The following TRHDE variants were observed in gnomAD, a reference collection of about 807,000 sequenced individuals.
TRHDE encodes the protein thyrotropin-releasing hormone-degrading ectoenzyme.
A neutral mutation model predicts 125.7 loss-of-function variants in TRHDE; 72 were observed. The observed-to-expected ratio is 0.57, with a 90% CI of 0.47 to 0.70. The LOEUF is 0.70. TRHDE is among the 30% of genes least tolerant of loss of function. The pLI is 0.00. For synonymous variants in TRHDE, 509 were observed against 509.1 expected, an observed-to-expected ratio of 1.00 and a Z score of 0.00; for missense variants, 1,110 against 1,327.1, an observed-to-expected ratio of 0.84 and a Z score of 2.54.
chr12:72,273,619 G>A lies in TRHDE; in HGVS notation c.914+62G>A. 1 of 1,475,322 alleles carries A rather than the reference G, an allele frequency of 6.8e-7. No individual in the cohort carries two copies. 91.4% of individuals were successfully genotyped at this position (1,475,322 alleles called of 1,614,324 possible). ...CGGCGCGCGGCTCGAACCTCTGGGC[G>A]GCCTGCGACCCCGGGGACCCAGCTG... On this transcript the variant is annotated intron_variant, in intron 1 of 18. Coordinates refer to ENST00000261180, the MANE Select transcript of TRHDE (RefSeq NM_013381.3). This position sits in a 1 kb window ranked among gnomAD's most constrained non-coding sequence, Gnocchi z 5.3.
intron 2 of TRHDE, among the ~76,000 whole-genome samples, chr12:72,316,052 G>C (rs1182148177): frequency 6.6e-6 from 1 of 152,096 alleles, no homozygotes; most frequent in East Asian, 1.9e-4. Flanking sequence ...AGGATGTTCT[G>C]CCAGCCGCCA....
rs1045440465 is a variant in TRHDE, at chr12:72,204,838, G to T, written n.279+99086G>T. On this transcript the variant is annotated intron_variant and non_coding_transcript_variant, in intron 2 of 4. Transcript: ENST00000548156. ...GTATTTTCAGTGTTTATGTTTATTGGGTTGAGTTGCTTTGTCCTATGTCAG... is the reference window on the plus strand; with the variant it reads ...GTATTTTCAGTGTTTATGTTTATTGTGTTGAGTTGCTTTGTCCTATGTCAG... Among the ~76,000 whole-genome samples, 5 of 152,088 alleles carry T rather than the reference G, an allele frequency of 3.3e-5. No homozygotes were observed. In the Middle Eastern group the frequency reaches 0.014, roughly 417 times the overall value.
intron 3 of TRHDE, among the ~76,000 whole-genome samples, chr12:72,449,859 A>G (rs540857778): frequency 9.9e-5 from 15 of 152,070 alleles, no homozygotes; most frequent in Non-Finnish European, 1.6e-4. Context: ...ATATAAAAAT[A>G]TTACCTCCTT....
rs138893422 is a variant in TRHDE at position 72,101,843 on chromosome 12, C to T, written n.175-3805C>T. Among the ~76,000 whole-genome samples, 16 of 152,252 alleles carry T rather than the reference C, an allele frequency of 1.1e-4. No homozygotes were observed. The East Asian group carries it at 2.5e-3, about 24-fold the overall frequency. On this transcript the variant is annotated intron_variant and non_coding_transcript_variant, in intron 1 of 4. Transcript: ENST00000548156. The stretch of plus-strand genomic sequence containing the variant: ...AAAACATGAATTTGAAATGGTACAG[C>T]GTGGGTACCCTGGAAAATAGTAAAT...
intron 2 of TRHDE, among the ~76,000 whole-genome samples, chr12:72,315,266 G>T (rs1455926927): frequency 6.6e-6 from 1 of 152,166 alleles, no homozygotes; most frequent in Non-Finnish European, 1.5e-5. Context: ...GTGAGATTAG[G>T]AAGTATTTTA....
chr12:72,123,229 A>G (rs1324133170), intron 2 of TRHDE, among the ~76,000 whole-genome samples: 1 of 152,196 alleles, frequency 6.6e-6, no homozygotes. Context: ...TTCTTGCACC[A>G]GAAAGTAAAA....
At chr12:72,512,544 TC>T (rs901062630) in intron 6 of TRHDE, among the ~76,000 whole-genome samples, 1,903 of 138,782 alleles carry the variant, frequency 0.014, 25 homozygotes, top group African/African-American at 0.037. Context: ...TTATATATAT[TC>T]ATATATAATC....
intron 1 of TRHDE, among the ~76,000 whole-genome samples, chr12:72,277,987 ATATAT>A (rs1879552506): frequency 6.6e-6 from 1 of 152,142 alleles, no homozygotes; most frequent in African/African-American, 2.4e-5. Flanking sequence ...CAAGAATATA[ATATAT>A]TGTCATTAAT....
intron 5 of TRHDE, among the ~76,000 whole-genome samples, chr12:72,480,638 G>T (rs932668931): frequency 3.9e-5 from 6 of 152,074 alleles, no homozygotes; most frequent in Non-Finnish European, 8.8e-5. Context: ...TACAGCATTA[G>T]ATGCTTTCTA....
intron 2 of TRHDE, among the ~76,000 whole-genome samples, chr12:72,320,653 C>T (rs1194142268): frequency 6.6e-6 from 1 of 151,846 alleles, no homozygotes; most frequent in Non-Finnish European, 1.5e-5. Flanking sequence ...TAATTTCTAT[C>T]ACTGCAGAGT....
chr12:72,273,021 A>C lies in TRHDE; in HGVS notation c.378A>C (p.Ser126=), dbSNP rs1383805981. 5 of 1,540,416 alleles carry C rather than the reference A, an allele frequency of 3.2e-6. No homozygotes were observed. The African/African-American group carries it at 5.5e-5, about 17-fold the overall frequency. ...CGCCAGGCGCCGACGGTGGCCCCTCAGGCTTTCCGGAGCGCGGCGGCAACG... is the reference window on the plus strand; with the variant it reads ...CGCCAGGCGCCGACGGTGGCCCCTCCGGCTTTCCGGAGCGCGGCGGCAACG... ...SATPGADGGP[S]GFPERGGNGS... The change falls in exon 1 of 19, where the codon TCA becomes TCC. Residue 126 remains serine, a synonymous_variant. Transcript: ENST00000261180. This position sits in a 1 kb window ranked among gnomAD's most constrained non-coding sequence, Gnocchi z 5.3.
At position 72,544,584 on chromosome 12, in the gene TRHDE, C is replaced by T. The variant is rs572548846; in HGVS notation, c.1788+2228C>T. ...TTTTCTCTCTTGCTCTCTTTTCTTC[C>T]TTTCTTCTTTTTTTCTGGACTCAGA... On this transcript the variant is annotated intron_variant, in intron 7 of 18. Transcript: ENST00000261180. Among the ~76,000 whole-genome samples, 228 of 149,516 alleles carry T rather than the reference C, an allele frequency of 1.5e-3. 1 individual carries two copies. In the Middle Eastern group the frequency reaches 0.034, roughly 22 times the overall value.
intron 2 of TRHDE, among the ~76,000 whole-genome samples, chr12:72,133,906 A>C (rs943031996): frequency 2.0e-5 from 3 of 152,178 alleles, no homozygotes; most frequent in Middle Eastern, 3.2e-3. Flanking sequence ...GATAGCAAGC[A>C]CTGGAGATAG....
At chr12:72,197,389 G>A (rs191469474) in intron 2 of TRHDE, among the ~76,000 whole-genome samples, 1 of 152,066 alleles carries the variant, frequency 6.6e-6, no homozygotes, top group African/African-American at 2.4e-5. Flanking sequence ...CTGGATAGCT[G>A]ACTCCTTCAC....
intron 5 of TRHDE, among the ~76,000 whole-genome samples, chr12:72,481,551 C>T (rs1429810870): frequency 6.7e-6 from 1 of 149,930 alleles, no homozygotes; most frequent in Non-Finnish European, 1.5e-5. Context: ...TGTCAAATTT[C>T]TCTACAGTCT....
At chr12:72,434,388 C>CAAAAA (rs34254660) in intron 3 of TRHDE, among the ~76,000 whole-genome samples, 1 of 81,980 alleles carries the variant, frequency 1.2e-5, no homozygotes, top group Non-Finnish European at 2.8e-5. Context: ...CTCTATGTCT[C>CAAAAA]AAAAAAAAAA....
At chr12:72,239,160 T>C (rs951990670) in intron 2 of TRHDE, among the ~76,000 whole-genome samples, 19 of 152,360 alleles carry the variant, frequency 1.2e-4, no homozygotes, top group African/African-American at 4.6e-4. Flanking sequence ...GAGCATTTCT[T>C]CATGTGTTTG....
intron 2 of TRHDE, among the ~76,000 whole-genome samples, chr12:72,323,169 GA>G (rs1487878270): frequency 6.6e-6 from 1 of 152,122 alleles, no homozygotes; most frequent in Non-Finnish European, 1.5e-5. Context: ...CTACAATTAA[GA>G]AGGTAATAAT....
chr12:72,128,055 A>T (rs1307809111), intron 2 of TRHDE, among the ~76,000 whole-genome samples: 1 of 152,122 alleles, frequency 6.6e-6, no homozygotes, highest in Non-Finnish European at 1.5e-5. Context: ...GATGCCCTTG[A>T]GTATTTAGCA....
Sources: allele counts gnomAD v4.1 joint callset (sites outside exome capture counted in the v4.1 genomes callset), GRCh38; gene constraint gnomAD v4.1.1; non-coding constraint Gnocchi (gnomAD v3.1); transcripts MANE v1.5; gene names NCBI Gene and HGNC (gene_info 2026-07-23, HGNC 2026-07-21).